The following KCTD16 variants were observed in gnomAD, a reference collection of about 807,000 sequenced individuals.
KCTD16 encodes BTB/POZ domain-containing protein KCTD16.
KCTD16 carries 13 observed loss-of-function variants against 33.2 expected under a neutral mutation model. That is an observed-to-expected ratio of 0.39 (90% CI 0.25 to 0.62). The LOEUF is 0.62. Ranked by LOEUF, KCTD16 falls within the 20% of genes least tolerant of loss-of-function variation. KCTD16 has a pLI of 0.50. For missense variants in KCTD16, 441 were observed against 525.1 expected (o/e 0.84, Z 1.57); for synonymous variants, 197 against 195.3 (o/e 1.01, Z -0.07).
At chr5:144,436,253 TTGAC>T (rs1393704109) in intron 3 of KCTD16, among the ~76,000 whole-genome samples, 1 of 152,182 alleles carries the variant, frequency 6.6e-6, no homozygotes, top group Non-Finnish European at 1.5e-5. Flanking sequence ...GCAGATGGGA[TTGAC>T]TTCTAACTAC....
At chr5:144,308,967 A>C (rs753046892) in intron 3 of KCTD16, among the ~76,000 whole-genome samples, 9 of 152,058 alleles carry the variant, frequency 5.9e-5, no homozygotes, top group Non-Finnish European at 1.0e-4. Context: ...TTTTTATAGA[A>C]GAGAAGACTG....
chr5:144,403,900 G>T (rs1420078528), intron 3 of KCTD16, among the ~76,000 whole-genome samples: 1 of 152,096 alleles, frequency 6.6e-6, no homozygotes, highest in Non-Finnish European at 1.5e-5. Flanking sequence ...CATTCTATTT[G>T]GTAGAACAAA....
At chr5:144,299,092 CTATGTATATATA>C (rs1756139592) in intron 3 of KCTD16, among the ~76,000 whole-genome samples, 1 of 13,328 alleles carries the variant, frequency 7.5e-5, no homozygotes, top group African/African-American at 4.9e-4. Flanking sequence ...ATATATATCA[CTATGTATATATA>C]TATATATATA....
chr5:144,207,484 C>T lies in KCTD16; in HGVS notation c.770C>T (p.Ser257Phe). The T allele has an allele frequency of 1.2e-6, 2 of 1,614,188 alleles. No individual in the cohort carries two copies. Among genetic ancestry groups the T allele is most frequent in the Non-Finnish European group, 1.7e-6 (2 of 1,180,044 alleles). The change falls in exon 3 of 4, where the codon TCT becomes TTT. Residue 257 changes from serine to phenylalanine, a missense_variant. This residue lies in a region of KCTD16 where 355 missense variants were observed against 413.0 expected (regional missense o/e 0.86). Transcript: ENST00000512467. The part of the protein sequence containing the change: ...MVACNSSVTA[S>F]FINQYTDDKI... Reference sequence around the variant, plus strand: ...GCCTGTAACTCATCGGTGACAGCATCTTTCATCAACCAATATACAGATGAC... The same window carrying T: ...GCCTGTAACTCATCGGTGACAGCATTTTTCATCAACCAATATACAGATGAC...
At chr5:144,180,944 T>C (rs923694156) in intron 2 of KCTD16, among the ~76,000 whole-genome samples, 1 of 152,000 alleles carries the variant, frequency 6.6e-6, no homozygotes, top group Non-Finnish European at 1.5e-5. Flanking sequence ...TTTCTTTTTT[T>C]TTTTTTGAGA....
chr5:144,288,104 T>G (rs1364150760), intron 3 of KCTD16, among the ~76,000 whole-genome samples: 1 of 152,078 alleles, frequency 6.6e-6, no homozygotes, highest in Non-Finnish European at 1.5e-5. Flanking sequence ...AGGTCTGGAG[T>G]AGGGCTTCAA....
intron 3 of KCTD16, among the ~76,000 whole-genome samples, chr5:144,402,012 G>T (rs1275785986): frequency 6.6e-6 from 1 of 152,176 alleles, no homozygotes; most frequent in Admixed American, 6.5e-5. Flanking sequence ...CAACAGAGAA[G>T]GTGCTGTCAT....
chr5:144,424,915 A>T (rs1753290550), intron 3 of KCTD16, among the ~76,000 whole-genome samples: 1 of 152,128 alleles, frequency 6.6e-6, no homozygotes, highest in Non-Finnish European at 1.5e-5. Context: ...AAACCATAGC[A>T]TTCCATCTCT....
intron 3 of KCTD16, among the ~76,000 whole-genome samples, chr5:144,428,562 C>G (rs1184750833): frequency 1.3e-5 from 2 of 152,164 alleles, no homozygotes; most frequent in Non-Finnish European, 2.9e-5. Flanking sequence ...TGACTTAAAT[C>G]AAATTGTCAT....
chr5:144,230,522 G>C lies in KCTD16; in HGVS notation c.832+22976G>C, dbSNP rs914835190. 3.3e-5 allele frequency among the ~76,000 whole-genome samples: 5 copies of C among 152,048 alleles called. No individual in the cohort carries two copies. In the East Asian group the frequency reaches 9.6e-4, roughly 29 times the overall value. ...TTCAATTAGGAAAGAACAAATGCAT[G>C]GTTAAAAATGTATAAAATGTGGGAA... On this transcript the variant is annotated intron_variant, in intron 3 of 3. Transcript: ENST00000512467.
At chr5:144,217,749 A>C (rs1753609329) in intron 3 of KCTD16, among the ~76,000 whole-genome samples, 1 of 152,070 alleles carries the variant, frequency 6.6e-6, no homozygotes, top group African/African-American at 2.4e-5. Context: ...CTTCTCCACA[A>C]TCTGCCAGGG....
intron 3 of KCTD16, among the ~76,000 whole-genome samples, chr5:144,441,109 G>A (rs1580967511): frequency 6.6e-6 from 1 of 151,992 alleles, no homozygotes; most frequent in Non-Finnish European, 1.5e-5. Flanking sequence ...TTTTCATTGG[G>A]TTATCTATGT....
intron 3 of KCTD16, among the ~76,000 whole-genome samples, chr5:144,324,201 G>A (rs1223825017): frequency 6.6e-6 from 1 of 152,036 alleles, no homozygotes; most frequent in African/African-American, 2.4e-5. Flanking sequence ...TAACTAAATA[G>A]TACCCCAGAC....
chr5:144,357,325 G>C (rs1200862845), intron 3 of KCTD16, among the ~76,000 whole-genome samples: 1 of 152,162 alleles, frequency 6.6e-6, no homozygotes, highest in African/African-American at 2.4e-5. Context: ...AACCAAGTCA[G>C]GTAGGGGTGA....
chr5:144,181,553 TTTG>T (rs1454111389), intron 2 of KCTD16, among the ~76,000 whole-genome samples: 1 of 152,162 alleles, frequency 6.6e-6, no homozygotes, highest in Admixed American at 6.6e-5. Flanking sequence ...GAATAAAAAA[TTTG>T]TTGTTGGTGG....
chr5:144,197,198 T>A (rs1460296575), intron 2 of KCTD16, among the ~76,000 whole-genome samples: 2 of 152,178 alleles, frequency 1.3e-5, no homozygotes, highest in Non-Finnish European at 2.9e-5. Flanking sequence ...AAGCACTTTT[T>A]AAAAAATAAA....
In KCTD16 at chr5:144,480,270, A is replaced by G. The variant is rs1451948452; in HGVS notation, c.*6156A>G. 1 of 151,986 alleles carries G rather than the reference A, an allele frequency of 6.6e-6. No individual in the cohort carries two copies. The highest frequency in any genetic ancestry group is 1.5e-5 in the Non-Finnish European group (1 of 67,948). 9.4% of individuals were successfully genotyped at this position (151,986 alleles called of 1,614,324 possible). A position where few individuals can be genotyped will look rare whatever the true frequency, so the allele number is the denominator to read the frequency against. On this transcript the variant is annotated 3_prime_UTR_variant, in exon 4 of 4. Transcript: ENST00000512467. Reference sequence around the variant, plus strand: ...AAAGCCTTTGGTTACATAGTTTAACAGCTTTTTAGTTCAGCACAATAGTTT... The same window carrying G: ...AAAGCCTTTGGTTACATAGTTTAACGGCTTTTTAGTTCAGCACAATAGTTT...
intron 3 of KCTD16, among the ~76,000 whole-genome samples, chr5:144,357,718 AGAAAGAGGT>A (rs2126913148): frequency 6.6e-6 from 1 of 152,308 alleles, no homozygotes; most frequent in South Asian, 2.1e-4. Flanking sequence ...TGCTAGGTGG[AGAAAGAGGT>A]GAAGGAAAAT....
chr5:144,231,829 AT>A (rs759995418), intron 3 of KCTD16, among the ~76,000 whole-genome samples: 20 of 152,288 alleles, frequency 1.3e-4, no homozygotes, highest in Admixed American at 2.6e-4. Context: ...GCCCCCAGCC[AT>A]GCTGAACTGT....
Sources: allele counts gnomAD v4.1 joint callset (sites outside exome capture counted in the v4.1 genomes callset), GRCh38; gene constraint gnomAD v4.1.1; regional missense constraint gnomAD v4.1.1; transcripts MANE v1.5; gene names NCBI Gene and HGNC (gene_info 2026-07-23, HGNC 2026-07-21).